Variants in CD80 observed in about 807,000 individuals in gnomAD.
The protein encoded by CD80 is T-lymphocyte activation antigen CD80.
Under a neutral mutation model 27.1 loss-of-function variants are expected in CD80, and 13 were observed. The observed-to-expected ratio is 0.48, with a 90% CI of 0.31 to 0.76. CD80 has a LOEUF of 0.76. Among genes scored for constraint, CD80 ranks in the 30% least tolerant of loss-of-function variants. The pLI is 0.04. For synonymous variants in CD80, 125 were observed against 125.5 expected (o/e 1.00, Z 0.03); for missense variants, 277 against 347.9 (o/e 0.80, Z 1.62).
intron 3 of CD80, 91 bp from the exon 4 acceptor site, chr3:119,537,509 G>A: frequency 5.2e-6 from 5 of 964,484 alleles, no homozygotes; most frequent in Non-Finnish European, 7.6e-6. Flanking sequence ...GCTTTAATAA[G>A]AATTGATAAA....
At chr3:119,528,520 A>G (rs879551625) in intron 5 of CD80, among the ~76,000 whole-genome samples, 3 of 152,202 alleles carry the variant, frequency 2.0e-5, no homozygotes, top group African/African-American at 4.8e-5. Context: ...GTAAATTCAT[A>G]GGGTAAAATA....
At chr3:119,552,813 C>T (rs1312771141) in intron 2 of CD80, among the ~76,000 whole-genome samples, 2 of 152,006 alleles carry the variant, frequency 1.3e-5, no homozygotes, top group Non-Finnish European at 2.9e-5. Context: ...AAAATAGTCA[C>T]GAAACGCCAC....
chr3:119,532,671 T>C (rs368148345), intron 4 of CD80, among the ~76,000 whole-genome samples: 13 of 152,314 alleles, frequency 8.5e-5, no homozygotes, highest in African/African-American at 2.9e-4. Context: ...AATAAGAGTG[T>C]GGTATTTTCT....
At chr3:119,529,555 C>T (rs1360654850) in intron 5 of CD80, among the ~76,000 whole-genome samples, 3 of 152,090 alleles carry the variant, frequency 2.0e-5, no homozygotes, top group Non-Finnish European at 4.4e-5. Flanking sequence ...TATATAAAGT[C>T]AGGGAAAAAA....
At chr3:119,552,045 A>G (rs1229793119) in intron 2 of CD80, among the ~76,000 whole-genome samples, 1 of 152,242 alleles carries the variant, frequency 6.6e-6, no homozygotes, top group African/African-American at 2.4e-5. Flanking sequence ...AGGGCACAAT[A>G]GGGACACTCA....
chr3:119,545,738 AC>A (rs533669907), intron 2 of CD80, among the ~76,000 whole-genome samples: 123 of 140,472 alleles, frequency 8.8e-4, no homozygotes, highest in Admixed American at 1.8e-3. Flanking sequence ...TTACACACAC[AC>A]CCCCCCCCAC....
chr3:119,540,689 T>C (rs1030587172), intron 3 of CD80, among the ~76,000 whole-genome samples: 9 of 152,214 alleles, frequency 5.9e-5, no homozygotes, highest in Non-Finnish European at 1.2e-4. Context: ...TTCATGTTCA[T>C]TTCTGTGCTC....
chr3:119,528,285 TC>T (rs1281105114), intron 5 of CD80, among the ~76,000 whole-genome samples: 2 of 152,138 alleles, frequency 1.3e-5, no homozygotes, highest in Non-Finnish European at 2.9e-5. Flanking sequence ...CAGCACATAC[TC>T]TCTAAAGAAT....
intron 2 of CD80, among the ~76,000 whole-genome samples, chr3:119,553,543 C>T (rs1011043362): frequency 5.3e-5 from 8 of 152,192 alleles, no homozygotes; most frequent in Non-Finnish European, 1.2e-4. Flanking sequence ...CCACCCTCTC[C>T]GTGCAGCCTG....
At chr3:119,554,890 C>A (rs890459244) in intron 2 of CD80, among the ~76,000 whole-genome samples, 1 of 152,182 alleles carries the variant, frequency 6.6e-6, no homozygotes, top group South Asian at 2.1e-4. Context: ...ACTGAAATAA[C>A]CTCCTAATAG....
chr3:119,549,552 C>A (rs541560909), intron 2 of CD80, among the ~76,000 whole-genome samples: 10 of 152,316 alleles, frequency 6.6e-5, no homozygotes, highest in Non-Finnish European at 1.2e-4. Context: ...CTAGGGACTT[C>A]ATTTCCAAGC....
intron 3 of CD80, 58 bp downstream of exon 3, chr3:119,544,492 G>T: frequency 1.4e-6 from 2 of 1,469,012 alleles, no homozygotes; most frequent in Non-Finnish European, 1.9e-6. Flanking sequence ...ATAGCCATGT[G>T]TCTTTAAGGG....
Position 119,527,924 on chromosome 3 carries a change from G to A in CD80, c.797-83C>T, listed in dbSNP as rs920223941. 4.2e-6 allele frequency: 5 copies of A among 1,193,604 alleles called. No individual in the cohort carries two copies. In the African/African-American group the frequency reaches 6.0e-5, roughly 14 times the overall value. The allele number at this position is 1,193,604 out of a possible 1,614,324, so 73.9% of individuals were successfully genotyped here. A position where few individuals can be genotyped will look rare whatever the true frequency, so the allele number is the denominator to read the frequency against. On this transcript the variant is annotated intron_variant, in intron 5 of 6. Coordinates refer to ENST00000264246, the MANE Select transcript of CD80 (RefSeq NM_005191.4). Reference sequence around the variant, plus strand: ...ATATGTTAATATTTACTTTAGCAAGGCTTCAGACTGGCTTAGAACTGGAGC... The same window carrying A: ...ATATGTTAATATTTACTTTAGCAAGACTTCAGACTGGCTTAGAACTGGAGC...
At chr3:119,540,561 C>T (rs533332571) in intron 3 of CD80, among the ~76,000 whole-genome samples, 2 of 152,258 alleles carry the variant, frequency 1.3e-5, no homozygotes, top group East Asian at 1.9e-4. Context: ...ATAAGATCGA[C>T]TCATGACACA....
chr3:119,541,954 A>G (rs1299427192), intron 3 of CD80, among the ~76,000 whole-genome samples: 1 of 150,304 alleles, frequency 6.7e-6, no homozygotes, highest in Non-Finnish European at 1.5e-5. Context: ...TTATCTTTCT[A>G]TCCAAATTCA....
At chr3:119,546,018 A>G (rs985959468) in intron 2 of CD80, among the ~76,000 whole-genome samples, 3 of 152,246 alleles carry the variant, frequency 2.0e-5, no homozygotes, top group Admixed American at 1.3e-4. Context: ...ATTGCATAAA[A>G]AACAAATTTG....
intron 3 of CD80, among the ~76,000 whole-genome samples, chr3:119,537,943 A>G (rs2082148156): frequency 6.6e-6 from 1 of 152,240 alleles, no homozygotes; most frequent in Non-Finnish European, 1.5e-5. Flanking sequence ...TGATGGAGAT[A>G]GGAGGGCACT....
intron 4 of CD80, among the ~76,000 whole-genome samples, chr3:119,532,358 C>T (rs868810778): frequency 2.0e-4 from 30 of 152,006 alleles, no homozygotes; most frequent in Non-Finnish European, 3.8e-4. Context: ...AAAAAATTAT[C>T]GGTGGCGAGT....
At chr3:119,528,777 T>A (rs934711775) in intron 5 of CD80, among the ~76,000 whole-genome samples, 1 of 151,464 alleles carries the variant, frequency 6.6e-6, no homozygotes, top group African/African-American at 2.4e-5. Context: ...CAAAAAAAAA[T>A]TAGTCAGGCG....
Sources: gnomAD v4.1 joint callset for allele counts (sites outside exome capture counted in the v4.1 genomes callset) on GRCh38, gnomAD v4.1.1 for gene constraint, MANE v1.5 for transcripts, NCBI Gene and HGNC (gene_info 2026-07-23, HGNC 2026-07-21) for gene names.